Variants in RPS6KA5 observed in about 807,000 individuals in gnomAD.
RPS6KA5 encodes ribosomal protein S6 kinase alpha-5.
RPS6KA5 carries 27 observed loss-of-function variants against 85.5 expected under a neutral mutation model. That is an observed-to-expected ratio of 0.32 (90% CI 0.23 to 0.44). The LOEUF is 0.44. Ranked by LOEUF, RPS6KA5 falls within the 20% of genes least tolerant of loss-of-function variation. The probability of loss-of-function intolerance (pLI) is 1.00; values close to 1 mark genes in which losing one functional copy is unlikely to be tolerated. For synonymous variants in RPS6KA5, 334 were observed against 348.2 expected, an observed-to-expected ratio of 0.96 and a Z score of 0.46; for missense variants, 811 against 980.9, an observed-to-expected ratio of 0.83 and a Z score of 2.31.
At chr14:90,948,732 C>CA (rs1225787024) in intron 3 of RPS6KA5, among the ~76,000 whole-genome samples, 1 of 149,906 alleles carries the variant, frequency 6.7e-6, no homozygotes, top group Non-Finnish European at 1.5e-5. Flanking sequence ...AACACAACAA[C>CA]AAAAAAAACC....
chr14:90,877,228 A>G (rs1009369909), intron 14 of RPS6KA5, among the ~76,000 whole-genome samples: 14 of 152,228 alleles, frequency 9.2e-5, no homozygotes, highest in African/African-American at 3.4e-4. Flanking sequence ...TTGAAAATAG[A>G]AGACACGGAG....
chr14:90,911,178 G>C (rs934995281), intron 7 of RPS6KA5: 2 of 152,182 alleles, frequency 1.3e-5, no homozygotes, highest in African/African-American at 4.8e-5. Flanking sequence ...CTCTAATGGA[G>C]TAAGAATTCT....
intron 7 of RPS6KA5, among the ~76,000 whole-genome samples, chr14:90,915,498 A>G (rs1178794140): frequency 1.3e-5 from 2 of 152,030 alleles, no homozygotes; most frequent in Admixed American, 6.6e-5. Flanking sequence ...AAGATGTTCT[A>G]TACAGAAAGG....
At position 90,894,404 on chromosome 14, in the gene RPS6KA5, A is replaced by G; in HGVS notation, c.1644+9T>C. 3 of 1,612,568 alleles carry G rather than the reference A, an allele frequency of 1.9e-6. No homozygotes were observed. Among genetic ancestry groups the G allele is most frequent in the Non-Finnish European group, 2.5e-6 (3 of 1,178,910 alleles). ...ACTGAATTACGTAAGAGATCCAGTG[A>G]TTTTATACCTCAGGTTTCAGATCCC... On this transcript the variant is annotated intron_variant, in intron 13 of 16. Transcript: ENST00000614987.
chr14:90,986,406 T>C (rs2040055495), intron 2 of RPS6KA5, among the ~76,000 whole-genome samples: 1 of 151,936 alleles, frequency 6.6e-6, no homozygotes, highest in African/African-American at 2.4e-5. Flanking sequence ...TGCCTCCAGG[T>C]GTGCTTATTT....
intron 9 of RPS6KA5, among the ~76,000 whole-genome samples, chr14:90,901,647 A>G (rs2035176988): frequency 6.6e-6 from 1 of 152,222 alleles, no homozygotes; most frequent in South Asian, 2.1e-4. Flanking sequence ...CCAGTCACAT[A>G]CTAGACAGTG....
intron 7 of RPS6KA5, among the ~76,000 whole-genome samples, chr14:90,919,926 T>C (rs912026091): frequency 9.2e-5 from 14 of 152,196 alleles, no homozygotes; most frequent in Admixed American, 8.5e-4. Context: ...ACGTATCTAC[T>C]AAGTGTAAGA....
At chr14:90,922,190 T>C (rs1447815035) in intron 6 of RPS6KA5, among the ~76,000 whole-genome samples, 1 of 152,208 alleles carries the variant, frequency 6.6e-6, no homozygotes, top group Admixed American at 6.5e-5. Context: ...AAACTGGGAA[T>C]AAGAAAATAT....
At chr14:90,959,209 T>C (rs2038676199) in intron 3 of RPS6KA5, among the ~76,000 whole-genome samples, 2 of 152,194 alleles carry the variant, frequency 1.3e-5, no homozygotes, top group South Asian at 2.1e-4. Flanking sequence ...GTGTACATCA[T>C]CTACTGCACA....
chr14:90,960,098 G>A (rs1293389209), intron 3 of RPS6KA5, among the ~76,000 whole-genome samples: 1 of 152,092 alleles, frequency 6.6e-6, no homozygotes, highest in Non-Finnish European at 1.5e-5. Context: ...CTATCCTAGA[G>A]ATTCTTTGTA....
At chr14:91,036,407 A>G (rs894160043) in intron 1 of RPS6KA5, among the ~76,000 whole-genome samples, 1 of 152,190 alleles carries the variant, frequency 6.6e-6, no homozygotes, top group Non-Finnish European at 1.5e-5. Flanking sequence ...TTACCACTCT[A>G]AGTCCTTTAT....
chr14:91,048,182 T>C (rs570620195), intron 1 of RPS6KA5, among the ~76,000 whole-genome samples: 2 of 152,266 alleles, frequency 1.3e-5, no homozygotes, highest in Middle Eastern at 3.4e-3. Flanking sequence ...ATTGTAAGAA[T>C]AGTACTAGGA....
chr14:90,917,801 A>T (rs920207153), intron 7 of RPS6KA5, among the ~76,000 whole-genome samples: 2 of 152,038 alleles, frequency 1.3e-5, no homozygotes, highest in African/African-American at 4.8e-5. Context: ...GGCTCAAGCA[A>T]TCCCCCCACC....
intron 14 of RPS6KA5, among the ~76,000 whole-genome samples, chr14:90,876,783 C>T (rs2033506724): frequency 2.0e-5 from 3 of 152,144 alleles, no homozygotes; most frequent in African/African-American, 4.8e-5. Flanking sequence ...TAGGAAGGGA[C>T]ATGGAGGGGA....
intron 1 of RPS6KA5, among the ~76,000 whole-genome samples, chr14:91,016,330 C>T (rs552892383): frequency 7.2e-5 from 11 of 152,178 alleles, no homozygotes; most frequent in Admixed American, 2.0e-4. Context: ...CCTGCCTCAG[C>T]CTCCCAAGTG....
At chr14:90,970,849 C>T (rs569924323) in intron 3 of RPS6KA5, among the ~76,000 whole-genome samples, 51 of 151,876 alleles carry the variant, frequency 3.4e-4, no homozygotes, top group African/African-American at 1.2e-3. Context: ...AGGGAAAAAT[C>T]CACCAAATCC....
intron 11 of RPS6KA5, 93 bp downstream of exon 11, chr14:90,900,015 A>G (rs1314706622): frequency 5.5e-6 from 6 of 1,093,804 alleles, no homozygotes; most frequent in Non-Finnish European, 7.4e-6. Context: ...AAAGTCTTAC[A>G]ATATAATACT....
At chr14:90,960,672 G>T (rs2038751793) in intron 3 of RPS6KA5, among the ~76,000 whole-genome samples, 1 of 152,176 alleles carries the variant, frequency 6.6e-6, no homozygotes, top group African/African-American at 2.4e-5. Flanking sequence ...CAATCTACCT[G>T]GTGGACTCTT....
chr14:90,888,348 T>C (rs1039009399), intron 14 of RPS6KA5, among the ~76,000 whole-genome samples: 2 of 152,228 alleles, frequency 1.3e-5, no homozygotes, highest in African/African-American at 4.8e-5. Flanking sequence ...AATTGGCCTT[T>C]AGCAAGAGAA....
Sources: gnomAD v4.1 joint callset for allele counts (sites outside exome capture counted in the v4.1 genomes callset) on GRCh38, gnomAD v4.1.1 for gene constraint, MANE v1.5 for transcripts, NCBI Gene and HGNC (gene_info 2026-07-23, HGNC 2026-07-21) for gene names.